Variants in CNTN4 observed in about 807,000 individuals in gnomAD.
CNTN4 encodes contactin-4.
A neutral mutation model predicts 122.5 loss-of-function variants in CNTN4; 77 were observed. The ratio of observed to expected loss-of-function variants is 0.63; its 90% CI spans 0.52 to 0.76. CNTN4 has a LOEUF of 0.76. Among genes scored for constraint, CNTN4 ranks in the 30% least tolerant of loss-of-function variants. CNTN4 has a pLI of 0.00. For synonymous variants in CNTN4, 512 were observed against 447.0 expected (o/e 1.15, Z -1.83); for missense variants, 1,256 against 1,259.1 (o/e 1.00, Z 0.04).
chr3:2,247,179 T>A (rs1153510), intron 2 of CNTN4, among the ~76,000 whole-genome samples: 150,421 of 152,146 alleles, frequency 0.99, 74,390 homozygotes, highest in Middle Eastern at 1. Flanking sequence ...TGATAAGCTA[T>A]TGCCGTTGCA....
intron 2 of CNTN4, among the ~76,000 whole-genome samples, chr3:2,244,842 C>A (rs1018747119): frequency 3.9e-5 from 6 of 151,970 alleles, no homozygotes; most frequent in Admixed American, 1.3e-4. Flanking sequence ...GGCTTGTGCT[C>A]TGAATCTGAA....
intron 3 of CNTN4, among the ~76,000 whole-genome samples, chr3:2,475,829 A>G (rs1215924026): frequency 6.6e-6 from 1 of 152,196 alleles, no homozygotes; most frequent in African/African-American, 2.4e-5. Flanking sequence ...ATTCAAACAT[A>G]GGCAGTCTAG....
chr3:2,400,304 TACACACACAAAC>T (rs1242134648), intron 3 of CNTN4, among the ~76,000 whole-genome samples: 1 of 150,170 alleles, frequency 6.7e-6, no homozygotes, highest in Non-Finnish European at 1.5e-5. Flanking sequence ...AATATATATG[TACACACACAAAC>T]ATACACACAC....
At chr3:2,482,554 T>G (rs1301964304) in intron 3 of CNTN4, among the ~76,000 whole-genome samples, 1 of 152,166 alleles carries the variant, frequency 6.6e-6, no homozygotes, top group African/African-American at 2.4e-5. Context: ...GTCACAGACC[T>G]TCAGGACAGG....
At chr3:3,054,601 G>C (rs560865499) in intron 24 of CNTN4, among the ~76,000 whole-genome samples, 1 of 151,962 alleles carries the variant, frequency 6.6e-6, no homozygotes, top group African/African-American at 2.4e-5. Context: ...TGATTTTTTT[G>C]TTGTTGTGTG....
At chr3:2,515,850 T>A (rs1161576660) in intron 3 of CNTN4, among the ~76,000 whole-genome samples, 1 of 152,108 alleles carries the variant, frequency 6.6e-6, no homozygotes, top group Non-Finnish European at 1.5e-5. Flanking sequence ...CACTGTTAAA[T>A]GGAATAGATG....
At chr3:2,256,654 C>A (rs891366725) in intron 2 of CNTN4, among the ~76,000 whole-genome samples, 7 of 152,054 alleles carry the variant, frequency 4.6e-5, no homozygotes, top group Admixed American at 3.9e-4. Context: ...AACCAATAGG[C>A]AGAGAGCCAA....
Position 2,320,693 on chromosome 3 carries a change from G to A in CNTN4, c.-144-18485G>A, listed in dbSNP as rs147223691. On this transcript the variant is annotated intron_variant, in intron 2 of 24. Transcript: ENST00000418658. ...ATTTTTGGCTGCCATAAATTATCCC[G>A]AAGCAAATATCAATGTGAACTCAGA... 1.6e-4 allele frequency among the ~76,000 whole-genome samples: 25 copies of A among 152,172 alleles called. No homozygotes were observed. In the East Asian group the frequency reaches 4.6e-3, roughly 28 times the overall value.
At chr3:2,803,332 C>A (rs935966931) in intron 6 of CNTN4, among the ~76,000 whole-genome samples, 2 of 152,064 alleles carry the variant, frequency 1.3e-5, no homozygotes, top group Non-Finnish European at 2.9e-5. Context: ...GAAAATTGTC[C>A]CAGCCATTTT....
At chr3:2,160,209 T>G (rs1050107954) in intron 2 of CNTN4, among the ~76,000 whole-genome samples, 1 of 152,172 alleles carries the variant, frequency 6.6e-6, no homozygotes, top group Non-Finnish European at 1.5e-5. Flanking sequence ...AAATATGCTT[T>G]CTTTTGAATG....
chr3:2,976,757 G>A (rs904957199), intron 13 of CNTN4, among the ~76,000 whole-genome samples: 81 of 152,012 alleles, frequency 5.3e-4, no homozygotes, highest in African/African-American at 1.6e-3. Context: ...GAATTTCCAC[G>A]TATCTTTTGA....
At chr3:2,384,228 A>G (rs2046147715) in intron 3 of CNTN4, among the ~76,000 whole-genome samples, 1 of 152,114 alleles carries the variant, frequency 6.6e-6, no homozygotes, top group Admixed American at 6.6e-5. Context: ...TTGTACAGGA[A>G]CAAGCCTAAA....
In CNTN4 at chr3:2,283,306, C is replaced by A. The variant is rs189940084; in HGVS notation, c.-144-55872C>A. Among the ~76,000 whole-genome samples, 8 of 152,146 alleles carry A rather than the reference C, an allele frequency of 5.3e-5. No individual in the cohort carries two copies. The East Asian group carries it at 1.5e-3, about 29-fold the overall frequency. On this transcript the variant is annotated intron_variant, in intron 2 of 24. Transcript: ENST00000418658. The stretch of plus-strand genomic sequence containing the variant: ...ATTGACCATAATTGACAAAATATTG[C>A]ATAAATAATATCAGGGATGCATTTG...
chr3:2,618,912 G>C (rs759951685), intron 4 of CNTN4, among the ~76,000 whole-genome samples: 1 of 152,200 alleles, frequency 6.6e-6, no homozygotes, highest in Non-Finnish European at 1.5e-5. Context: ...ACTTAGGTTA[G>C]AAGTGATAGA....
intron 2 of CNTN4, among the ~76,000 whole-genome samples, chr3:2,125,492 C>T (rs1406828992): frequency 6.6e-6 from 1 of 151,836 alleles, no homozygotes; most frequent in Non-Finnish European, 1.5e-5. Flanking sequence ...AGATCTAAAT[C>T]TTTGACATCT....
chr3:2,510,208 T>G (rs923496127), intron 3 of CNTN4, among the ~76,000 whole-genome samples: 1 of 152,178 alleles, frequency 6.6e-6, no homozygotes, highest in Non-Finnish European at 1.5e-5. Flanking sequence ...CCCAGTGCTA[T>G]TACGAGGTGT....
rs1553640928 is a variant in CNTN4 at position 2,400,449 on chromosome 3, ATC to A, written c.-89+61220_-89+61221del. Among the ~76,000 whole-genome samples the A allele has an allele frequency of 9.4e-3, 1,172 of 124,146 alleles. 28 individuals carry two copies. Among genetic ancestry groups the A allele is most frequent in the South Asian group, 0.046 (178 of 3,838 alleles). 81.4% of individuals were successfully genotyped at this position (124,146 alleles called of 152,430 possible). On this transcript the variant is annotated intron_variant, in intron 3 of 24. Coordinates refer to ENST00000418658, the MANE Select transcript of CNTN4 (RefSeq NM_175607.3). ...TATACATATATATATATATATATAT[ATC>A]TCTTTTTTTCCTTCTTCTTAAATTT...
At chr3:2,906,480 A>AT (rs898716685) in intron 12 of CNTN4, among the ~76,000 whole-genome samples, 1 of 145,376 alleles carries the variant, frequency 6.9e-6, no homozygotes, top group African/African-American at 2.9e-5. Flanking sequence ...AAGTAAAATA[A>AT]TAAAAAAAAT....
chr3:2,858,124 A>G (rs1304583873), intron 7 of CNTN4, among the ~76,000 whole-genome samples: 1 of 152,158 alleles, frequency 6.6e-6, no homozygotes, highest in South Asian at 2.1e-4. Flanking sequence ...ACCTTTGACA[A>G]TCATTTGCCT....
Sources: allele counts gnomAD v4.1 joint callset (sites outside exome capture counted in the v4.1 genomes callset), GRCh38; gene constraint gnomAD v4.1.1; transcripts MANE v1.5; gene names NCBI Gene and HGNC (gene_info 2026-07-23, HGNC 2026-07-21).